The following MANEA variants were observed in gnomAD, a reference collection of about 807,000 sequenced individuals.
The protein encoded by MANEA is glycoprotein endo-alpha-1,2-mannosidase.
In MANEA, 25 loss-of-function variants were observed where a neutral mutation model predicts 36.8. That is an observed-to-expected ratio of 0.68 (90% CI 0.50 to 0.95). The LOEUF (loss-of-function observed/expected upper bound fraction) is 0.95, where lower values mean the gene tolerates loss of function less well. Among genes scored for constraint, MANEA ranks in the 40% least tolerant of loss-of-function variants. The pLI is 0.00. For missense variants in MANEA, 565 were observed against 558.8 expected (o/e 1.01, Z -0.11); for synonymous variants, 198 against 188.5 (o/e 1.05, Z -0.41).
chr6:95,584,032 C>G (rs565232085), intron 1 of MANEA, among the ~76,000 whole-genome samples: 1 of 152,150 alleles, frequency 6.6e-6, no homozygotes, highest in African/African-American at 2.4e-5. Flanking sequence ...TATCACTTCC[C>G]TAAGAATACT....
intron 2 of MANEA, among the ~76,000 whole-genome samples, chr6:95,591,725 TC>T (rs879295013): frequency 3.3e-5 from 5 of 152,052 alleles, no homozygotes; most frequent in Non-Finnish European, 7.4e-5. Context: ...TGAGATGGAG[TC>T]CCACCCTGTC....
chr6:95,591,142 A>C (rs1482594221), intron 2 of MANEA, among the ~76,000 whole-genome samples: 2 of 152,222 alleles, frequency 1.3e-5, no homozygotes, highest in Non-Finnish European at 2.9e-5. Context: ...AAAAGTAAGA[A>C]TGTTTTTTAC....
At chr6:95,584,526 C>T (rs1020781765) in intron 1 of MANEA, among the ~76,000 whole-genome samples, 1 of 152,150 alleles carries the variant, frequency 6.6e-6, no homozygotes, top group African/African-American at 2.4e-5. Context: ...GCTCTCGAAC[C>T]CTGTTTTCTG....
At chr6:95,583,475 ATATT>A (rs1427438112) in intron 1 of MANEA, among the ~76,000 whole-genome samples, 1 of 152,158 alleles carries the variant, frequency 6.6e-6, no homozygotes, top group Non-Finnish European at 1.5e-5. Flanking sequence ...ATGCCTTGAT[ATATT>A]TACAGTATGC....
chr6:95,596,100 A>T (rs1421128951), intron 2 of MANEA, among the ~76,000 whole-genome samples: 2 of 152,160 alleles, frequency 1.3e-5, no homozygotes, highest in African/African-American at 2.4e-5. Context: ...AAAAAGCTAC[A>T]TACTTTGTAA....
chr6:95,591,180 C>G (rs1163354319), intron 2 of MANEA, among the ~76,000 whole-genome samples: 2 of 152,172 alleles, frequency 1.3e-5, no homozygotes, highest in African/African-American at 4.8e-5. Flanking sequence ...TGTTCCCCAT[C>G]CATATTTTAA....
chr6:95,580,736 A>G (rs1769164714), intron 1 of MANEA, among the ~76,000 whole-genome samples: 3 of 151,910 alleles, frequency 2.0e-5, no homozygotes, highest in Admixed American at 1.3e-4. Flanking sequence ...AAAAAAAAAA[A>G]AAAAAAGAAA....
intron 3 of MANEA, among the ~76,000 whole-genome samples, chr6:95,599,578 C>T (rs954786706): frequency 6.6e-6 from 1 of 152,090 alleles, no homozygotes; most frequent in African/African-American, 2.4e-5. Flanking sequence ...TAATTGAGCC[C>T]TGTAAGATAT....
intron 3 of MANEA, among the ~76,000 whole-genome samples, chr6:95,599,093 A>G (rs527536116): frequency 1.3e-5 from 2 of 152,354 alleles, no homozygotes; most frequent in Non-Finnish European, 2.9e-5. Context: ...TCTGGCACAG[A>G]GTAAGCACTA....
At chr6:95,604,560 T>G (rs1322738220) in intron 3 of MANEA, among the ~76,000 whole-genome samples, 2 of 152,012 alleles carry the variant, frequency 1.3e-5, no homozygotes, top group Admixed American at 6.6e-5. Context: ...TTTCTTAAGG[T>G]TCTGTCTATC....
At chr6:95,595,394 G>C (rs1210743225) in intron 2 of MANEA, among the ~76,000 whole-genome samples, 1 of 152,040 alleles carries the variant, frequency 6.6e-6, no homozygotes, top group African/African-American at 2.4e-5. Context: ...AGCCTCATAT[G>C]TTATAGGTTA....
intron 1 of MANEA, among the ~76,000 whole-genome samples, chr6:95,583,371 T>G (rs1217803119): frequency 2.0e-5 from 3 of 152,010 alleles, no homozygotes; most frequent in Non-Finnish European, 4.4e-5. Context: ...ATGACATGTA[T>G]CCATATATAA....
At chr6:95,579,399 C>T (rs1485290760) in intron 1 of MANEA, among the ~76,000 whole-genome samples, 2 of 151,954 alleles carry the variant, frequency 1.3e-5, no homozygotes, top group Non-Finnish European at 2.9e-5. Context: ...AAACAAAAAA[C>T]AGAAACTAAA....
In MANEA at chr6:95,606,536, T is replaced by A; in HGVS notation, c.*131T>A. 2.2e-6 allele frequency: 1 copy of A among 460,524 alleles called. No homozygotes were observed. The highest frequency in any genetic ancestry group is 3.5e-6 in the Non-Finnish European group (1 of 282,722). The allele number at this position is 460,524 out of a possible 1,614,324, so 28.5% of individuals were successfully genotyped here. A position where few individuals can be genotyped will look rare whatever the true frequency, so the allele number is the denominator to read the frequency against. On this transcript the variant is annotated 3_prime_UTR_variant, in exon 5 of 5. Transcript: ENST00000358812. ...TTATATTTAAAAATATTTTTTTAAA[T>A]TCTTTACAGATAATATTATACTTGT...
At chr6:95,585,142 A>ATC (rs1310720982) in intron 1 of MANEA, among the ~76,000 whole-genome samples, 2 of 152,148 alleles carry the variant, frequency 1.3e-5, no homozygotes, top group Non-Finnish European at 2.9e-5. Context: ...ACTCATATAT[A>ATC]TATATATATA....
chr6:95,599,940 G>A (rs1402167298), intron 3 of MANEA, among the ~76,000 whole-genome samples: 2 of 152,300 alleles, frequency 1.3e-5, no homozygotes, highest in East Asian at 3.9e-4. Context: ...CTGAGGTTGG[G>A]TAAGTGATTG....
chr6:95,597,699 A>G (rs1769506111), intron 3 of MANEA, among the ~76,000 whole-genome samples: 1 of 152,084 alleles, frequency 6.6e-6, no homozygotes, highest in Admixed American at 6.5e-5. Flanking sequence ...TCTGAAATTT[A>G]AGTGATATAA....
chr6:95,600,769 C>T (rs1454923915), intron 3 of MANEA, among the ~76,000 whole-genome samples: 1 of 152,056 alleles, frequency 6.6e-6, no homozygotes, highest in Non-Finnish European at 1.5e-5. Context: ...TTTTTTCTTG[C>T]TAGTCTTCAA....
intron 3 of MANEA, among the ~76,000 whole-genome samples, chr6:95,600,371 A>G (rs1769565143): frequency 6.6e-6 from 1 of 152,198 alleles, no homozygotes; most frequent in Admixed American, 6.5e-5. Flanking sequence ...CTAACTGAGT[A>G]GCTCTGGAAT....
Sources: gnomAD v4.1 joint callset for allele counts (sites outside exome capture counted in the v4.1 genomes callset) on GRCh38, gnomAD v4.1.1 for gene constraint, MANE v1.5 for transcripts, NCBI Gene and HGNC (gene_info 2026-07-23, HGNC 2026-07-21) for gene names.